GAK: variants seen among roughly 807,000 people sequenced by gnomAD.
The protein encoded by GAK is cyclin G associated kinase, also known as cyclin-G-associated kinase.
In GAK, 79 loss-of-function variants were observed where a neutral mutation model predicts 143.9. The ratio of observed to expected loss-of-function variants is 0.55; its 90% CI spans 0.46 to 0.66. The LOEUF is 0.66. Among genes scored for constraint, GAK ranks in the 30% least tolerant of loss-of-function variants. The pLI, the probability that GAK is intolerant of heterozygous loss-of-function variation, is 0.00. For missense variants in GAK, 1,693 were observed against 1,779.7 expected, an observed-to-expected ratio of 0.95 and a Z score of 0.88; for synonymous variants, 881 against 765.5, an observed-to-expected ratio of 1.15 and a Z score of -2.49.
chr4:902,177 GC>G (rs1191791277), intron 5 of GAK, among the ~76,000 whole-genome samples: 1 of 151,428 alleles, frequency 6.6e-6, no homozygotes, highest in East Asian at 1.9e-4. Context: ...GGCAGAGGCT[GC>G]ATGAGCCGAG....
chr4:905,666 C>T (rs779599838), intron 4 of GAK, among the ~76,000 whole-genome samples: 4 of 151,884 alleles, frequency 2.6e-5, no homozygotes, highest in South Asian at 4.2e-4. Flanking sequence ...GACTCTGCCA[C>T]GTTGGGCCAC....
intron 1 of GAK, among the ~76,000 whole-genome samples, chr4:919,078 A>C (rs1037447865): frequency 4.6e-4 from 65 of 141,278 alleles, no homozygotes; most frequent in African/African-American, 1.6e-3. Flanking sequence ...ATGACCTTAG[A>C]AAGACAGAAG....
At chr4:923,052 A>AGC (rs1440658209) in intron 1 of GAK, among the ~76,000 whole-genome samples, 1 of 152,088 alleles carries the variant, frequency 6.6e-6, no homozygotes, top group South Asian at 2.1e-4. Flanking sequence ...TCACAGACAG[A>AGC]GCAAAGACTA....
intron 7 of GAK, among the ~76,000 whole-genome samples, chr4:895,420 C>T (rs1718581181): frequency 6.6e-6 from 1 of 152,220 alleles, no homozygotes; most frequent in Non-Finnish European, 1.5e-5. Context: ...GTGCAGAGGA[C>T]CAGTCACCAG....
chr4:883,266 CG>C (rs1560350317), intron 13 of GAK, 48 bp downstream of exon 13: 1 of 1,598,726 alleles, frequency 6.3e-7, no homozygotes, highest in Non-Finnish European at 8.5e-7. Flanking sequence ...TGCACTGGAG[CG>C]GAAGGAAGCT....
rs372747156 is a variant in GAK at position 904,658 on chromosome 4, G to A, written c.504C>T (p.Pro168=). Residue 168 remains proline, a synonymous_variant, in exon 5 of 28, where the codon CCC becomes CCT. Coordinates refer to ENST00000314167, the MANE Select transcript of GAK (RefSeq NM_005255.4). ...AVQHMHRQKP[P]IIHRDLKVEN... is the part of the protein sequence containing the mutation. ...CTACCTTGAGGTCCCTGTGGATGAT[G>A]GGCGGCTTCTGCCGGTGCATGTGCT... is the stretch of plus-strand genomic sequence containing the variant. 5 of 1,600,552 alleles carry A rather than the reference G, an allele frequency of 3.1e-6. No individual in the cohort carries two copies. The highest frequency in any genetic ancestry group is 1.3e-5 in the African/African-American group (1 of 74,398).
chr4:888,735 C>A, intron 11 of GAK, 112 bp downstream of exon 11: 1 of 1,350,558 alleles, frequency 7.4e-7, no homozygotes. Flanking sequence ...GCCTCAGGGG[C>A]CCCTGTGGGG....
In GAK at chr4:929,412, A is replaced by G. The variant is rs530895971; in HGVS notation, c.145+2631T>C. On this transcript the variant is annotated intron_variant, in intron 1 of 27. Transcript: ENST00000314167. ...AACCCCGAGTTCAAGTCAGCCACACAGGGAAGGTGGATTTCCCTGCAGTCA... is the reference window on the plus strand; with the variant it reads ...AACCCCGAGTTCAAGTCAGCCACACGGGGAAGGTGGATTTCCCTGCAGTCA... Among the ~76,000 whole-genome samples, 3 of 152,320 alleles carry G rather than the reference A, an allele frequency of 2.0e-5. No individual in the cohort carries two copies. The South Asian group carries it at 6.2e-4, about 32-fold the overall frequency.
At chr4:914,207 C>A (rs1277269560) in intron 1 of GAK, among the ~76,000 whole-genome samples, 3 of 65,342 alleles carry the variant, frequency 4.6e-5, no homozygotes, top group Non-Finnish European at 8.4e-5. Context: ...CCCCAGCGTG[C>A]ACAGCCCCCA....
rs376041731 is a variant in GAK at position 888,707 on chromosome 4, G to C, written c.1205+140C>G. 1.9e-4 allele frequency: 182 copies of C among 967,382 alleles called. 1 individual carries two copies. In the African/African-American group the frequency reaches 2.7e-3, roughly 14 times the overall value. The allele number at this position is 967,382 out of a possible 1,614,324, so 59.9% of individuals were successfully genotyped here. ...CTCATTCCGACTCCCTGGGAGAAGC[G>C]GGTGATGCTGTCCCACTGCCTCAGG... On this transcript the variant is annotated intron_variant, in intron 11 of 27. Coordinates refer to ENST00000314167, the MANE Select transcript of GAK (RefSeq NM_005255.4).
chr4:890,011 GGCCTCAGGGTC>G (rs932102089), intron 10 of GAK, among the ~76,000 whole-genome samples: 4 of 152,308 alleles, frequency 2.6e-5, no homozygotes, highest in African/African-American at 9.6e-5. Flanking sequence ...CCTGCCCCCT[GGCCTCAGGGTC>G]GCTACTGTAG....
chr4:849,879 C>G lies in GAK; in HGVS notation c.3834+13G>C. 6.4e-7 allele frequency: 1 copy of G among 1,554,530 alleles called. No homozygotes were observed. Among genetic ancestry groups the G allele is most frequent in the Non-Finnish European group, 8.7e-7 (1 of 1,143,698 alleles). On this transcript the variant is annotated intron_variant, in intron 27 of 27. Coordinates refer to ENST00000314167, the MANE Select transcript of GAK (RefSeq NM_005255.4). ...CTGAAGGCCTCAAGCGGCCGCCTGG[C>G]AGCTCTGCTCACCTTGTCGGGGTGC... is the stretch of plus-strand genomic sequence containing the variant.
chr4:861,131 C>T (rs529475024), intron 23 of GAK, among the ~76,000 whole-genome samples: 13 of 152,272 alleles, frequency 8.5e-5, no homozygotes, highest in African/African-American at 2.6e-4. Flanking sequence ...CTCCCCGTCT[C>T]GCTCCTTCTC....
intron 7 of GAK, 37 bp from the exon 8 acceptor site, chr4:894,046 G>T: frequency 6.6e-7 from 1 of 1,526,204 alleles, no homozygotes; most frequent in African/African-American, 1.4e-5. Flanking sequence ...AGGCCCACGG[G>T]GAGCGCAGGG....
intron 1 of GAK, among the ~76,000 whole-genome samples, chr4:925,208 T>G (rs1038797701): frequency 2.0e-5 from 3 of 152,014 alleles, no homozygotes; most frequent in Non-Finnish European, 4.4e-5. Context: ...CATCAAAATG[T>G]CCAAATAAAA....
chr4:903,225 A>G (rs3775115), intron 5 of GAK, among the ~76,000 whole-genome samples: 61,926 of 151,852 alleles, frequency 0.41, 13,533 homozygotes, highest in African/African-American at 0.57. Flanking sequence ...GGTGGGCAGG[A>G]CGGCCCTTTT....
intron 15 of GAK, among the ~76,000 whole-genome samples, chr4:881,233 T>C (rs1715041412): frequency 6.6e-6 from 1 of 152,192 alleles, no homozygotes; most frequent in African/African-American, 2.4e-5. Context: ...CCTTTGCTCC[T>C]GGGCCCTAAC....
intron 1 of GAK, among the ~76,000 whole-genome samples, chr4:931,820 A>C (rs1188482516): frequency 6.6e-6 from 1 of 151,972 alleles, no homozygotes; most frequent in Admixed American, 6.5e-5. Context: ...CGCCCTCCGC[A>C]ATCACCGCCA....
intron 18 of GAK, among the ~76,000 whole-genome samples, chr4:871,505 C>T (rs1049323117): frequency 5.3e-5 from 8 of 152,240 alleles, no homozygotes; most frequent in Admixed American, 2.6e-4. Context: ...CTCTAGAATC[C>T]GGCTGCCAGG....
Sources: allele counts gnomAD v4.1 joint callset (sites outside exome capture counted in the v4.1 genomes callset), GRCh38; gene constraint gnomAD v4.1.1; transcripts MANE v1.5; gene names NCBI Gene and HGNC (gene_info 2026-07-23, HGNC 2026-07-21).